The following CCDC150 variants were observed in gnomAD, a reference collection of about 807,000 sequenced individuals.
CCDC150 encodes the protein coiled-coil domain containing 150, also known as coiled-coil domain-containing protein 150.
Under a neutral mutation model 156.5 loss-of-function variants are expected in CCDC150, and 151 were observed. The observed-to-expected ratio is 0.97, with a 90% CI of 0.85 to 1.10. The LOEUF (loss-of-function observed/expected upper bound fraction) is 1.10, where lower values mean the gene tolerates loss of function less well. Among genes scored for constraint, CCDC150 ranks in the 50% least tolerant of loss-of-function variants. The probability of loss-of-function intolerance (pLI) is 0.00; values close to 1 mark genes in which losing one functional copy is unlikely to be tolerated. For synonymous variants in CCDC150, 452 were observed against 429.4 expected, an observed-to-expected ratio of 1.05 and a Z score of -0.65; for missense variants, 1,312 against 1,268.1, an observed-to-expected ratio of 1.03 and a Z score of -0.53.
At chr2:196,707,740 T>C (rs1696768285) in intron 15 of CCDC150, among the ~76,000 whole-genome samples, 1 of 152,244 alleles carries the variant, frequency 6.6e-6, no homozygotes, top group Admixed American at 6.5e-5. Context: ...AAAGAACATC[T>C]TTATTTCTGC....
chr2:196,692,220 C>T (rs1203612633), intron 13 of CCDC150, among the ~76,000 whole-genome samples: 2 of 149,342 alleles, frequency 1.3e-5, no homozygotes, highest in South Asian at 2.1e-4. Context: ...CTGCAAGCTC[C>T]GCTTCCCGGG....
intron 15 of CCDC150, among the ~76,000 whole-genome samples, chr2:196,710,442 C>G (rs1697026786): frequency 1.3e-5 from 2 of 152,172 alleles, no homozygotes; most frequent in South Asian, 4.1e-4. Flanking sequence ...AATCCCCTGA[C>G]CCCCCTTGCG....
At chr2:196,649,418 A>T (rs1214867056) in intron 2 of CCDC150, among the ~76,000 whole-genome samples, 1 of 152,208 alleles carries the variant, frequency 6.6e-6, no homozygotes, top group African/African-American at 2.4e-5. Flanking sequence ...GTTGCAGTGC[A>T]AGGCATCACT....
chr2:196,711,731 G>A (rs1296324030), intron 15 of CCDC150, among the ~76,000 whole-genome samples: 5 of 151,984 alleles, frequency 3.3e-5, no homozygotes, highest in African/African-American at 1.2e-4. Context: ...CATTCTTCTG[G>A]TCTGATATGT....
chr2:196,644,949 T>C (rs2125565158), intron 1 of CCDC150, among the ~76,000 whole-genome samples: 1 of 113,162 alleles, frequency 8.8e-6, no homozygotes, highest in Admixed American at 9.9e-5. Context: ...ACCCCGTCTC[T>C]ACTAAAAATA....
intron 13 of CCDC150, 109 bp downstream of exon 13, chr2:196,677,470 G>A (rs1694582344): frequency 1.4e-6 from 1 of 730,924 alleles, no homozygotes; most frequent in Admixed American, 2.3e-5. Context: ...CAAGCTGCAG[G>A]GAAAGGAGAG....
intron 1 of CCDC150, among the ~76,000 whole-genome samples, chr2:196,640,527 A>C (rs537079202): frequency 6.6e-6 from 1 of 152,210 alleles, no homozygotes; most frequent in African/African-American, 2.4e-5. Context: ...CACAAATTCA[A>C]TAATGTATTT....
intron 15 of CCDC150, among the ~76,000 whole-genome samples, chr2:196,707,339 G>A (rs925409910): frequency 6.6e-6 from 1 of 152,052 alleles, no homozygotes; most frequent in Non-Finnish European, 1.5e-5. Flanking sequence ...TATTTCTGTG[G>A]GATAGGTAGT....
At chr2:196,685,686 A>T (rs1695083137) in intron 13 of CCDC150, among the ~76,000 whole-genome samples, 1 of 150,382 alleles carries the variant, frequency 6.6e-6, no homozygotes, top group Non-Finnish European at 1.5e-5. Context: ...ATCTCGGCTC[A>T]CTGCAAGCTC....
intron 5 of CCDC150, among the ~76,000 whole-genome samples, chr2:196,663,061 G>A (rs527826713): frequency 3.9e-5 from 6 of 151,904 alleles, no homozygotes; most frequent in Non-Finnish European, 7.4e-5. Context: ...AACAAAGTGA[G>A]ACCCTGGCTC....
intron 15 of CCDC150, among the ~76,000 whole-genome samples, chr2:196,710,383 T>C (rs1575922228): frequency 7.9e-6 from 1 of 126,234 alleles, no homozygotes; most frequent in African/African-American, 3.5e-5. Flanking sequence ...AGGAGTGTCC[T>C]GTTTTTCCAG....
chr2:196,651,827 C>G (rs1266118040), intron 2 of CCDC150, among the ~76,000 whole-genome samples: 1 of 152,218 alleles, frequency 6.6e-6, no homozygotes, highest in Non-Finnish European at 1.5e-5. Flanking sequence ...GTTCATAGTT[C>G]TGCAGGCTGT....
chr2:196,703,505 C>T (rs1011797424), intron 15 of CCDC150, among the ~76,000 whole-genome samples: 1 of 152,154 alleles, frequency 6.6e-6, no homozygotes, highest in East Asian at 1.9e-4. Flanking sequence ...AGGATAAGCA[C>T]ACCTCTCTTA....
At chr2:196,726,630 G>A (rs1329183482) in intron 22 of CCDC150, 1 of 154,438 alleles carries the variant, frequency 6.5e-6, no homozygotes, top group Non-Finnish European at 1.4e-5. Flanking sequence ...AGGCCATTTG[G>A]TTGATAGAAG....
chr2:196,718,392 A>G, intron 17 of CCDC150, 111 bp from the exon 18 acceptor site: 1 of 797,838 alleles, frequency 1.3e-6, no homozygotes. Flanking sequence ...GGTTCTATTT[A>G]TAGTAGTGAA....
chr2:196,709,986 C>T (rs1275352359), intron 15 of CCDC150, among the ~76,000 whole-genome samples: 1 of 152,242 alleles, frequency 6.6e-6, no homozygotes, highest in African/African-American at 2.4e-5. Flanking sequence ...CTTGAGGAGG[C>T]AGTCTGTCTG....
At chr2:196,661,092 T>C (rs1290032456) in intron 5 of CCDC150, among the ~76,000 whole-genome samples, 1 of 152,222 alleles carries the variant, frequency 6.6e-6, no homozygotes, top group Non-Finnish European at 1.5e-5. Context: ...ACATTATTTT[T>C]TACTGGGGAA....
intron 13 of CCDC150, among the ~76,000 whole-genome samples, chr2:196,692,024 T>A (rs1164952752): frequency 6.6e-6 from 1 of 152,156 alleles, no homozygotes; most frequent in African/African-American, 2.4e-5. Flanking sequence ...CACCTCTGAT[T>A]TTGATTATTT....
chr2:196,672,757 A>T (rs1694281972), intron 9 of CCDC150, among the ~76,000 whole-genome samples: 2 of 152,176 alleles, frequency 1.3e-5, no homozygotes, highest in Non-Finnish European at 2.9e-5. Flanking sequence ...CTTCTGAATA[A>T]TTCCATGGCA....
Sources: gnomAD v4.1 joint callset for allele counts (sites outside exome capture counted in the v4.1 genomes callset) on GRCh38, gnomAD v4.1.1 for gene constraint, MANE v1.5 for transcripts, NCBI Gene and HGNC (gene_info 2026-07-23, HGNC 2026-07-21) for gene names.